Variants in SEMA5B observed in about 807,000 individuals in gnomAD.
The protein encoded by SEMA5B is semaphorin 5B.
Under a neutral mutation model 135.0 loss-of-function variants are expected in SEMA5B, and 66 were observed. That is an observed-to-expected ratio of 0.49 (90% CI 0.40 to 0.60). The LOEUF is 0.60. Ranked by LOEUF, SEMA5B falls within the 20% of genes least tolerant of loss-of-function variation. SEMA5B has a pLI of 0.00. For synonymous variants in SEMA5B, 690 were observed against 639.5 expected (o/e 1.08, Z -1.19); for missense variants, 1,501 against 1,566.3 (o/e 0.96, Z 0.70).
At chr3:122,941,008 C>T (rs1342504676) in intron 4 of SEMA5B, among the ~76,000 whole-genome samples, 1 of 152,246 alleles carries the variant, frequency 6.6e-6, no homozygotes, top group East Asian at 1.9e-4. Flanking sequence ...TCGCAGTCAA[C>T]TCTCCTGGGA....
chr3:123,001,498 A>T lies in SEMA5B; in HGVS notation c.-39+25966T>A, dbSNP rs922558274. 3.9e-5 allele frequency among the ~76,000 whole-genome samples: 6 copies of T among 152,248 alleles called. No individual in the cohort carries two copies. In the East Asian group the frequency reaches 1.2e-3, roughly 29 times the overall value. ...AAACCTTTTTCCCTTCATACTCAAT[A>T]CATCTGCCCCACTCTATCCAACTCT... On this transcript the variant is annotated intron_variant, in intron 1 of 22. Coordinates refer to ENST00000357599, the MANE Select transcript of SEMA5B (RefSeq NM_001031702.4).
intron 1 of SEMA5B, among the ~76,000 whole-genome samples, chr3:123,002,402 G>A (rs1023064419): frequency 6.6e-5 from 10 of 152,198 alleles, no homozygotes; most frequent in African/African-American, 1.4e-4. Context: ...GATAATCACC[G>A]TTCTAAGTAA....
chr3:122,978,614 C>T (rs1378710554), intron 1 of SEMA5B, among the ~76,000 whole-genome samples: 1 of 147,208 alleles, frequency 6.8e-6, no homozygotes, highest in African/African-American at 2.5e-5. Context: ...TTAGGTCCAT[C>T]TCCCAGGACC....
chr3:122,932,759 T>A (rs1939045038), intron 5 of SEMA5B, among the ~76,000 whole-genome samples: 1 of 152,180 alleles, frequency 6.6e-6, no homozygotes, highest in Non-Finnish European at 1.5e-5. Flanking sequence ...GCCACCCTCT[T>A]GCTGTGTGTG....
chr3:122,943,536 C>T lies in SEMA5B; in HGVS notation c.329-1G>A. The T allele has an allele frequency of 1.9e-6, 3 of 1,602,978 alleles. No individual in the cohort carries two copies. The highest frequency in any genetic ancestry group is 2.6e-6 in the Non-Finnish European group (3 of 1,174,944). On this transcript the variant is annotated splice_acceptor_variant, in intron 3 of 22. Transcript: ENST00000357599. LOFTEE classifies it high-confidence loss of function. Reference sequence around the variant, plus strand: ...AAGTTAGAGACCCACGGCTGCAGGTCTGGTGGAGGGAGAGGCAACCCTGTG... The same window carrying T: ...AAGTTAGAGACCCACGGCTGCAGGTTTGGTGGAGGGAGAGGCAACCCTGTG...
intron 18 of SEMA5B, among the ~76,000 whole-genome samples, chr3:122,912,589 T>G (rs1937794395): frequency 6.6e-6 from 1 of 151,528 alleles, no homozygotes; most frequent in Non-Finnish European, 1.5e-5. Context: ...ATCAAGCTTC[T>G]TACCTGTCTA....
At chr3:122,989,093 G>A (rs1206344512) in intron 1 of SEMA5B, among the ~76,000 whole-genome samples, 6 of 152,176 alleles carry the variant, frequency 3.9e-5, no homozygotes, top group East Asian at 1.9e-4. Flanking sequence ...TCACTGCTCC[G>A]CTAGAGGAAA....
At chr3:123,004,950 A>G (rs1278896743) in intron 1 of SEMA5B, among the ~76,000 whole-genome samples, 1 of 152,210 alleles carries the variant, frequency 6.6e-6, no homozygotes, top group Non-Finnish European at 1.5e-5. Flanking sequence ...CTGAAAGTCC[A>G]GAATACTCTG....
Position 122,913,294 on chromosome 3 carries a change from G to C in SEMA5B, c.2411C>G (p.Ala804Gly), listed in dbSNP as rs781662439. The change falls in exon 17 of 23, where the codon GCG becomes GGG. Residue 804 changes from alanine (A) to glycine (G), a missense_variant. Ala to Gly is a moderately conservative substitution (Grantham distance 60). Around this residue, in one of 2 missense-constraint regions of SEMA5B, gnomAD observed 927 missense variants for 881.6 expected, o/e 1.05. Coordinates refer to ENST00000357599, the MANE Select transcript of SEMA5B (RefSeq NM_001031702.4). ...QEQRFRFTCR[A>G]PLADPHGLQF... Reference sequence around the variant, plus strand: ...CAGGCCGTGCGGGTCTGCAAGGGGCGCGCGGCAGGTGAAGCGGAACCGCTG... The same window carrying C: ...CAGGCCGTGCGGGTCTGCAAGGGGCCCGCGGCAGGTGAAGCGGAACCGCTG... 1 of 1,581,104 alleles carries C rather than the reference G, an allele frequency of 6.3e-7. No individual in the cohort carries two copies. Among genetic ancestry groups the C allele is most frequent in the South Asian group, 1.1e-5 (1 of 88,136 alleles).
At chr3:122,959,145 A>T (rs1940467261) in intron 2 of SEMA5B, among the ~76,000 whole-genome samples, 3 of 152,226 alleles carry the variant, frequency 2.0e-5, no homozygotes, top group African/African-American at 7.2e-5. Context: ...TAACAGTGAC[A>T]ACAACAATAA....
intron 1 of SEMA5B, among the ~76,000 whole-genome samples, chr3:122,969,434 C>T (rs1162067881): frequency 6.6e-6 from 1 of 152,224 alleles, no homozygotes; most frequent in Non-Finnish European, 1.5e-5. Flanking sequence ...AGCCCAGTTC[C>T]TCTCCCACTG....
chr3:122,940,804 C>A (rs543017774), intron 4 of SEMA5B, among the ~76,000 whole-genome samples: 1 of 152,336 alleles, frequency 6.6e-6, no homozygotes, highest in African/African-American at 2.4e-5. Flanking sequence ...CTTCTCCAAC[C>A]CCCTCCCCAA....
At chr3:123,006,804 G>C (rs1321333342) in intron 1 of SEMA5B, among the ~76,000 whole-genome samples, 2 of 151,860 alleles carry the variant, frequency 1.3e-5, no homozygotes, top group African/African-American at 2.4e-5. Context: ...GTTCAGTTCT[G>C]CTCCATACAC....
intron 1 of SEMA5B, among the ~76,000 whole-genome samples, chr3:122,966,713 C>A (rs1425435542): frequency 2.7e-5 from 4 of 149,640 alleles, no homozygotes; most frequent in Non-Finnish European, 4.4e-5. Flanking sequence ...CGCCACCGCG[C>A]CCAGCTAATT....
chr3:122,940,583 C>A (rs1939510987), intron 4 of SEMA5B, among the ~76,000 whole-genome samples: 1 of 152,212 alleles, frequency 6.6e-6, no homozygotes, highest in Non-Finnish European at 1.5e-5. Flanking sequence ...CCTACCTCAG[C>A]TGAGGAGGGA....
chr3:122,941,623 A>G (rs1939568473), intron 4 of SEMA5B, among the ~76,000 whole-genome samples: 1 of 152,286 alleles, frequency 6.6e-6, no homozygotes, highest in Admixed American at 6.5e-5. Context: ...TATATGACAT[A>G]TAAAATAGTG....
chr3:123,014,401 G>T (rs562022453), intron 1 of SEMA5B, among the ~76,000 whole-genome samples: 1 of 152,216 alleles, frequency 6.6e-6, no homozygotes, highest in African/African-American at 2.4e-5. Flanking sequence ...AGGGAAATGG[G>T]GTTTGCCCAT....
At chr3:122,991,460 A>G (rs1941875015) in intron 1 of SEMA5B, among the ~76,000 whole-genome samples, 1 of 152,096 alleles carries the variant, frequency 6.6e-6, no homozygotes, top group Non-Finnish European at 1.5e-5. Context: ...GGCTGTCACA[A>G]ATGAAGGTGC....
At chr3:122,952,918 G>T (rs543790198) in intron 2 of SEMA5B, among the ~76,000 whole-genome samples, 21 of 152,250 alleles carry the variant, frequency 1.4e-4, no homozygotes, top group Non-Finnish European at 2.5e-4. Context: ...CAGAACTAGG[G>T]GTGGTGCCGC....
Sources: gnomAD v4.1 joint callset for allele counts (sites outside exome capture counted in the v4.1 genomes callset) on GRCh38, gnomAD v4.1.1 for gene constraint, gnomAD v4.1.1 regional missense constraint, MANE v1.5 for transcripts, NCBI Gene and HGNC (gene_info 2026-07-23, HGNC 2026-07-21) for gene names.